Variants in MDN1 observed in about 807,000 individuals in gnomAD.
MDN1 encodes midasin AAA ATPase 1.
In MDN1, 266 loss-of-function variants were observed where a neutral mutation model predicts 669.2. The observed-to-expected ratio is 0.40, with a 90% CI of 0.36 to 0.44. The LOEUF is 0.44. MDN1 is among the 20% of genes least tolerant of loss of function. The probability of loss-of-function intolerance (pLI) is 1.00; values close to 1 mark genes in which losing one functional copy is unlikely to be tolerated. For synonymous variants in MDN1, 2,385 were observed against 2,457.1 expected, an observed-to-expected ratio of 0.97 and a Z score of 0.87; for missense variants, 5,940 against 6,754.0, an observed-to-expected ratio of 0.88 and a Z score of 4.22.
intron 85 of MDN1, among the ~76,000 whole-genome samples, chr6:89,663,914 T>C (rs929896925): frequency 1.4e-4 from 21 of 146,286 alleles, no homozygotes; most frequent in Non-Finnish European, 2.8e-4. Flanking sequence ...TGTACTCTAG[T>C]CTGGGGGACA....
intron 84 of MDN1, among the ~76,000 whole-genome samples, chr6:89,666,539 C>T (rs1810253314): frequency 6.6e-6 from 1 of 152,108 alleles, no homozygotes; most frequent in Non-Finnish European, 1.5e-5. Context: ...CCCTATGTTG[C>T]CCCGGCTGGT....
chr6:89,785,090 T>C lies in MDN1; in HGVS notation c.1371A>G (p.Leu457=), dbSNP rs138258535. 2 of 1,614,142 alleles carry C rather than the reference T, an allele frequency of 1.2e-6. No individual in the cohort carries two copies. The highest frequency in any genetic ancestry group is 1.7e-6 in the Non-Finnish European group (2 of 1,179,976). Reference sequence around the variant, plus strand: ...TGTCTAGCAAAGTAGCATGACTGTTTAGCGGTCGATACCAATTTCCTCCAC... The same window carrying C: ...TGTCTAGCAAAGTAGCATGACTGTTCAGCGGTCGATACCAATTTCCTCCAC... ...LSCGGNWYRP[L]NSHATLLDKY... Residue 457 remains leucine, a synonymous_variant, in exon 9 of 102, where the codon CTA becomes CTG. Coordinates refer to ENST00000369393, the MANE Select transcript of MDN1 (RefSeq NM_014611.3).
At chr6:89,717,571 T>G (rs1814469191) in intron 43 of MDN1, among the ~76,000 whole-genome samples, 1 of 152,250 alleles carries the variant, frequency 6.6e-6, no homozygotes, top group Non-Finnish European at 1.5e-5. Flanking sequence ...TGGTGAGTTT[T>G]ACAATACCCA....
chr6:89,764,881 G>A (rs1447171026), intron 15 of MDN1, among the ~76,000 whole-genome samples: 1 of 152,166 alleles, frequency 6.6e-6, no homozygotes, highest in Non-Finnish European at 1.5e-5. Flanking sequence ...ATCCTAAATG[G>A]ACTGAGAAGT....
intron 91 of MDN1, 92 bp from the exon 92 acceptor site, chr6:89,656,060 A>G: frequency 8.8e-7 from 1 of 1,132,694 alleles, no homozygotes; most frequent in East Asian, 2.4e-5. Context: ...GGACAGGATA[A>G]GTAAATCAGG....
intron 75 of MDN1, 126 bp downstream of exon 75, chr6:89,678,473 C>T: frequency 9.1e-7 from 1 of 1,096,010 alleles, no homozygotes; most frequent in Non-Finnish European, 1.3e-6. Flanking sequence ...ATCTGGAAAC[C>T]TTGCCTGTAC....
chr6:89,658,649 A>G lies in MDN1; in HGVS notation c.14982T>C (p.Gly4994=). 1 of 1,612,810 alleles carries G rather than the reference A, an allele frequency of 6.2e-7. No individual in the cohort carries two copies. Among genetic ancestry groups the G allele is most frequent in the Non-Finnish European group, 8.5e-7 (1 of 1,178,936 alleles). The change falls in exon 89 of 102, where the codon GGT becomes GGC. Residue 4994 remains glycine (G), a synonymous_variant. Transcript: ENST00000369393. ...CTTGGTCAGCAGGGCCATTCTCTCC[A>G]CCTTCTTCATCGGCTTCCTTGTCTT... ...EEKDKEADEE[G]GENGPADQGF... is the part of the protein sequence containing the mutation.
In MDN1 at chr6:89,661,495, A is replaced by G. The variant is rs1809762628; in HGVS notation, c.14649T>C (p.Asp4883=). 1.2e-6 allele frequency: 2 copies of G among 1,614,102 alleles called. No individual in the cohort carries two copies. The highest frequency in any genetic ancestry group is 1.7e-6 in the Non-Finnish European group (2 of 1,180,020). The change falls in exon 88 of 102, where the codon GAT becomes GAC. Residue 4883 remains aspartate (D), a synonymous_variant. Transcript: ENST00000369393. ...TGTCTTCACTGTCGAGGTTCAAGTC[A>G]TCTGGAAGGTCCAAAGCCTCGGGTT... is the stretch of plus-strand genomic sequence containing the variant. ...VPEPEALDLP[D]DLNLDSEDKN... is the part of the protein sequence containing the mutation.
In MDN1 at chr6:89,643,327, G is replaced by A. The variant is rs1808282945; in HGVS notation, c.*678C>T. ...TCCCATCATTGCATAGTCTCCCGAA[G>A]CAGCAAGTGTGAAAGAGGATACTGA... On this transcript the variant is annotated 3_prime_UTR_variant, in exon 102 of 102. Coordinates refer to ENST00000369393, the MANE Select transcript of MDN1 (RefSeq NM_014611.3). 6.6e-6 allele frequency: 1 copy of A among 152,162 alleles called. No homozygotes were observed. The highest frequency in any genetic ancestry group is 6.5e-5 in the Admixed American group (1 of 15,278). 9.4% of individuals were successfully genotyped at this position (152,162 alleles called of 1,614,324 possible).
chr6:89,646,570 C>A lies in MDN1; in HGVS notation c.16429G>T (p.Ala5477Ser). 6 of 1,614,152 alleles carry A rather than the reference C, an allele frequency of 3.7e-6. No individual in the cohort carries two copies. In the South Asian group the frequency reaches 6.6e-5, roughly 18 times the overall value. Reference sequence around the variant, plus strand: ...CTGATGTTCTGCGAGAGCTGCTGAGCAGCTGCAAACATGTTGGCAACAGAC... The same window carrying A: ...CTGATGTTCTGCGAGAGCTGCTGAGAAGCTGCAAACATGTTGGCAACAGAC... ...LESVANMFAA[A>S]QQLSQNISSE... The change falls in exon 100 of 102, where the codon GCT becomes TCT. Residue 5477 changes from alanine (A) to serine (S), a missense_variant. This residue lies in a region of MDN1 where 2,280 missense variants were observed against 2,576.3 expected (regional missense o/e 0.88). Transcript: ENST00000369393.
At chr6:89,684,436 C>T (rs1458078580) in intron 71 of MDN1, among the ~76,000 whole-genome samples, 3 of 151,706 alleles carry the variant, frequency 2.0e-5, no homozygotes, top group Non-Finnish European at 2.9e-5. Context: ...ATTAAGTCAC[C>T]TGACATATAC....
intron 9 of MDN1, among the ~76,000 whole-genome samples, chr6:89,783,878 A>G (rs554522565): frequency 6.6e-6 from 1 of 151,968 alleles, no homozygotes; most frequent in Non-Finnish European, 1.5e-5. Context: ...GCTACTCGGG[A>G]GGCTGAGGCA....
intron 38 of MDN1, 24 bp from the exon 39 acceptor site, chr6:89,723,643 A>T (rs1814992204): frequency 7.3e-7 from 1 of 1,370,092 alleles, no homozygotes; most frequent in African/African-American, 1.5e-5. Flanking sequence ...AATAATATGA[A>T]GAAATGCCTT....
chr6:89,803,256 T>C (rs1767778662), intron 2 of MDN1, 72 bp downstream of exon 2: 2 of 1,292,176 alleles, frequency 1.5e-6, no homozygotes, highest in Non-Finnish European at 2.2e-6. Flanking sequence ...CAGCTCAGAC[T>C]CCCTTACATC....
Position 89,743,577 on chromosome 6 carries a change from T to C in MDN1, c.4316A>G (p.Lys1439Arg). ...AGGAACACTTGCTGCTGGACAAACC[T>C]TGTCGTTTGGCTTTTGTCTCACTGG... ...LRPVRQKPND[K>R]EEIDTSRLFE... is the part of the protein sequence containing the mutation. Residue 1439 changes from lysine (K) to arginine (R), a missense_variant and splice_region_variant, in exon 30 of 102, where the codon AAG becomes AGG. By Grantham distance (26) the Lys-to-Arg change is conservative (BLOSUM62 2). Transcript: ENST00000369393. 4 of 1,613,470 alleles carry C rather than the reference T, an allele frequency of 2.5e-6. No homozygotes were observed. Among genetic ancestry groups the C allele is most frequent in the Non-Finnish European group, 3.4e-6 (4 of 1,179,742 alleles).
At chr6:89,766,748 AATG>A (rs1817819352) in intron 15 of MDN1, among the ~76,000 whole-genome samples, 1 of 152,228 alleles carries the variant, frequency 6.6e-6, no homozygotes, top group African/African-American at 2.4e-5. Context: ...GAGTAATTAG[AATG>A]ATAAGCCATT....
At chr6:89,648,363 A>G (rs576589275) in intron 97 of MDN1, 34 bp from the exon 98 acceptor site, 3 of 1,587,226 alleles carry the variant, frequency 1.9e-6, no homozygotes, top group East Asian at 2.2e-5. Flanking sequence ...TTTAGGAATC[A>G]GAATATCCTC....
At chr6:89,675,630 C>T in intron 77 of MDN1, 51 bp from the exon 78 acceptor site, 2 of 1,472,088 alleles carry the variant, frequency 1.4e-6, no homozygotes, top group Non-Finnish European at 9.5e-7. Flanking sequence ...AAACATCACC[C>T]ACAGATGTGC....
rs1334685766 is a variant in MDN1, at chr6:89,725,319, C to T, written c.5550G>A (p.Glu1850=). The change falls in exon 38 of 102, where the codon GAG becomes GAA. Residue 1850 remains glutamate, a synonymous_variant. Coordinates refer to ENST00000369393, the MANE Select transcript of MDN1 (RefSeq NM_014611.3). ...GCTGCACTTGAAAGCTCATTCCTAACTCAGGCACATAGATTTCTCCTCGGT... is the reference window on the plus strand; with the variant it reads ...GCTGCACTTGAAAGCTCATTCCTAATTCAGGCACATAGATTTCTCCTCGGT... The part of the protein sequence containing the change: ...FDHRGEIYVP[E]LGMSFQVQHE... 1 of 1,614,014 alleles carries T rather than the reference C, an allele frequency of 6.2e-7. No homozygotes were observed. Among genetic ancestry groups the T allele is most frequent in the South Asian group, 1.1e-5 (1 of 91,070 alleles).
Sources: allele counts gnomAD v4.1 joint callset (sites outside exome capture counted in the v4.1 genomes callset), GRCh38; gene constraint gnomAD v4.1.1; regional missense constraint gnomAD v4.1.1; transcripts MANE v1.5; gene names NCBI Gene and HGNC (gene_info 2026-07-23, HGNC 2026-07-21).